The following RPL31 variants were observed in gnomAD, a reference collection of about 807,000 sequenced individuals.
RPL31 encodes the protein ribosomal protein L31.
For missense variants in RPL31, 95 were observed against 164.0 expected (o/e 0.58, Z 2.30); for synonymous variants, 51 against 55.0 (o/e 0.93, Z 0.32).
chr2:101,009,978 C>T (rs1346420134), downstream of RPL31, among the ~76,000 whole-genome samples: 2 of 151,716 alleles, frequency 1.3e-5, no homozygotes, highest in African/African-American at 4.8e-5. Flanking sequence ...CCCGCCACCA[C>T]GTCCAGCTAA....
Position 101,016,762 on chromosome 2 carries a change from A to G in RPL31, c.347-2236A>G, listed in dbSNP as rs1220186056. On this transcript the variant is annotated intron_variant, in intron 4 of 4. Coordinates refer to the RPL31 transcript ENST00000409028. ...TGCAGCCATAAAAAATGATGAGTTC[A>G]TGTCCTTTGTAGGGACATGGATGAA... 1.8e-4 allele frequency among the ~76,000 whole-genome samples: 27 copies of G among 152,334 alleles called. No individual in the cohort carries two copies. In the East Asian group the frequency reaches 5.0e-3, roughly 28 times the overall value.
chr2:101,016,378 C>A (rs1178415306), intron 4 of RPL31, among the ~76,000 whole-genome samples: 1 of 151,910 alleles, frequency 6.6e-6, no homozygotes, highest in East Asian at 1.9e-4. Context: ...AATGAGATAC[C>A]ATCTCACACC....
chr2:101,019,250 TAAGTG>T (rs771332335), exon 5 of RPL31: 2 of 458,960 alleles, frequency 4.4e-6, no homozygotes, highest in Admixed American at 3.6e-5. Flanking sequence ...TAATAAGACT[TAAGTG>T]AAGAGAATTC....
downstream of RPL31, among the ~76,000 whole-genome samples, chr2:101,011,923 G>A (rs1374246729): frequency 1.3e-5 from 2 of 152,258 alleles, no homozygotes; most frequent in Admixed American, 6.5e-5. Context: ...TCTGGGTGGT[G>A]GAGTAATTGG....
At chr2:101,004,338 T>C in intron 3 of RPL31, 55 bp downstream of exon 3, 1 of 1,601,198 alleles carries the variant, frequency 6.2e-7, no homozygotes, top group Non-Finnish European at 8.5e-7. Context: ...CCAGCTTCAC[T>C]TAACCCTGCA....
Position 101,004,289 on chromosome 2 carries a change from A to T in RPL31, c.233+6A>T. Reference sequence around the variant, plus strand: ...GTCTGGGCCAAAGGAATAAGGTGCTAAAGTTATCTGTATTCGAAGGTGAAC... The same window carrying T: ...GTCTGGGCCAAAGGAATAAGGTGCTTAAGTTATCTGTATTCGAAGGTGAAC... On this transcript the variant is annotated splice_donor_region_variant and intron_variant, in intron 3 of 4. Coordinates refer to ENST00000264258, the MANE Select transcript of RPL31 (RefSeq NM_000993.5). 2 of 1,613,972 alleles carry T rather than the reference A, an allele frequency of 1.2e-6. No individual in the cohort carries two copies. Among genetic ancestry groups the T allele is most frequent in the Non-Finnish European group, 1.7e-6 (2 of 1,179,962 alleles).
intron 4 of RPL31, among the ~76,000 whole-genome samples, chr2:101,014,212 A>G (rs1679446134): frequency 6.6e-6 from 1 of 151,996 alleles, no homozygotes; most frequent in Non-Finnish European, 1.5e-5. Context: ...TTTTTTTTCA[A>G]GGAAGTTTAT....
intron 4 of RPL31, among the ~76,000 whole-genome samples, chr2:101,014,807 G>T (rs1679491783): frequency 6.6e-6 from 1 of 152,146 alleles, no homozygotes; most frequent in Non-Finnish European, 1.5e-5. Flanking sequence ...AAAAAGTGAA[G>T]AATCAAGATA....
At chr2:101,008,218 T>C (rs778369835), downstream of RPL31, 2 of 1,602,240 alleles carry the variant, frequency 1.2e-6, no homozygotes, top group African/African-American at 2.7e-5. Flanking sequence ...ATCATTTTCT[T>C]CTGGATCTTC....
intron 3 of RPL31, 78 bp downstream of exon 3, chr2:101,004,361 A>C: frequency 6.6e-7 from 1 of 1,513,176 alleles, no homozygotes; most frequent in Non-Finnish European, 9.0e-7. Flanking sequence ...AGCCCATATC[A>C]GTTCAGTAAT....
At chr2:101,011,587 C>G, downstream of RPL31, 1 of 1,592,038 alleles carries the variant, frequency 6.3e-7, no homozygotes, top group Non-Finnish European at 8.6e-7. Flanking sequence ...TTCTGCCTTA[C>G]CAAAACTGAC....
chr2:101,015,077 T>A (rs991877847), intron 4 of RPL31, among the ~76,000 whole-genome samples: 10 of 152,230 alleles, frequency 6.6e-5, no homozygotes, highest in Non-Finnish European at 1.5e-5. Context: ...CGAACCTAGA[T>A]GCTGTAGCCT....
At chr2:101,012,575 T>G (rs1453671426) in intron 4 of RPL31, among the ~76,000 whole-genome samples, 1 of 151,542 alleles carries the variant, frequency 6.6e-6, no homozygotes, top group Non-Finnish European at 1.5e-5. Flanking sequence ...TTCAGGGTGA[T>G]GCAATGGTCT....
chr2:101,014,117 C>T (rs547555628), intron 4 of RPL31, among the ~76,000 whole-genome samples: 2 of 152,128 alleles, frequency 1.3e-5, no homozygotes, highest in African/African-American at 4.8e-5. Flanking sequence ...GGCTTCTTGA[C>T]GATTTGGATA....
At chr2:101,006,155 A>G (rs1678725128) in intron 4 of RPL31, 84 bp downstream of exon 4, 1 of 1,555,170 alleles carries the variant, frequency 6.4e-7, no homozygotes. Context: ...CTGTTAAGCT[A>G]GGGGTGACAC....
chr2:101,007,615 G>GGATACCTTAGGGCACTGACAATTCTCA, downstream of RPL31: 1 of 575,752 alleles, frequency 1.7e-6, no homozygotes. Context: ...GGGAACCAAT[G>GGATACCTTAGGGCACTGACAATTCTCA]GATACCTTAG....
rs1272312296 is a variant in RPL31 at position 101,006,338 on chromosome 2, C to A, written c.347-12C>A. The A allele has an allele frequency of 1.2e-6, 2 of 1,608,974 alleles. No individual in the cohort carries two copies. Among genetic ancestry groups the A allele is most frequent in the South Asian group, 2.2e-5 (2 of 89,782 alleles). On this transcript the variant is annotated splice_polypyrimidine_tract_variant and intron_variant, in intron 4 of 4. Transcript: ENST00000264258. ...ATGTGGGTATGGAAATTGACTGTTA[C>A]TTCCTTTACAGATCTACAGACAGTC...
At chr2:101,010,593 G>A (rs1679128725), downstream of RPL31, among the ~76,000 whole-genome samples, 1 of 152,132 alleles carries the variant, frequency 6.6e-6, no homozygotes, top group Non-Finnish European at 1.5e-5. Flanking sequence ...TGAAAAAACA[G>A]TTAATTCTCG....
chr2:101,008,948 T>C (rs1678961831), downstream of RPL31, among the ~76,000 whole-genome samples: 1 of 152,208 alleles, frequency 6.6e-6, no homozygotes, highest in Non-Finnish European at 1.5e-5. Context: ...GGGAAGGCCA[T>C]GCAGGACCTA....
Sources: allele counts gnomAD v4.1 joint callset (sites outside exome capture counted in the v4.1 genomes callset), GRCh38; gene constraint gnomAD v4.1.1; transcripts MANE v1.5; gene names NCBI Gene and HGNC (gene_info 2026-07-23, HGNC 2026-07-21).